Variants in COL23A1 observed in about 807,000 individuals in gnomAD.
COL23A1 encodes collagen type XXIII alpha 1 chain, also known as collagen alpha-1(XXIII) chain.
COL23A1 carries 97 observed loss-of-function variants against 99.3 expected under a neutral mutation model. That is an observed-to-expected ratio of 0.98 (90% CI 0.83 to 1.16). The LOEUF is 1.16. Ranked by LOEUF, COL23A1 falls within the 50% of genes most tolerant of loss-of-function variation. The pLI is 0.00. For missense variants in COL23A1, 762 were observed against 757.4 expected, an observed-to-expected ratio of 1.01 and a Z score of -0.07; for synonymous variants, 320 against 308.2, an observed-to-expected ratio of 1.04 and a Z score of -0.40.
chr5:178,578,570 A>G (rs780041992), intron 1 of COL23A1, among the ~76,000 whole-genome samples: 1 of 152,186 alleles, frequency 6.6e-6, no homozygotes, highest in Non-Finnish European at 1.5e-5. Context: ...AATACATTCT[A>G]ATTGCTTTAT....
intron 2 of COL23A1, among the ~76,000 whole-genome samples, chr5:178,370,976 G>A (rs937121873): frequency 6.6e-6 from 1 of 152,106 alleles, no homozygotes; most frequent in African/African-American, 2.4e-5. Context: ...CATGATGACT[G>A]TGGTTAATAA....
chr5:178,268,037 C>G (rs1350792837), intron 7 of COL23A1, among the ~76,000 whole-genome samples: 1 of 152,242 alleles, frequency 6.6e-6, no homozygotes, highest in East Asian at 1.9e-4. Flanking sequence ...CCACGGCTCC[C>G]GCAGCCCTGG....
intron 2 of COL23A1, among the ~76,000 whole-genome samples, chr5:178,514,846 C>G (rs1333105724): frequency 6.6e-6 from 1 of 152,208 alleles, no homozygotes; most frequent in African/African-American, 2.4e-5. Context: ...TCCACAAATA[C>G]AAAGCACTGG....
chr5:178,267,211 G>T, intron 8 of COL23A1, 96 bp downstream of exon 8: 1 of 1,335,542 alleles, frequency 7.5e-7, no homozygotes, highest in Non-Finnish European at 1.1e-6. Flanking sequence ...GTGATGAGCT[G>T]CGGGGAGCTG....
At chr5:178,450,980 T>C (rs1402117930) in intron 2 of COL23A1, among the ~76,000 whole-genome samples, 1 of 152,240 alleles carries the variant, frequency 6.6e-6, no homozygotes, top group Non-Finnish European at 1.5e-5. Context: ...AACGTACTAC[T>C]TAAGTCAAGG....
intron 2 of COL23A1, among the ~76,000 whole-genome samples, chr5:178,505,009 C>T (rs1216392048): frequency 6.6e-6 from 1 of 152,178 alleles, no homozygotes; most frequent in Non-Finnish European, 1.5e-5. Flanking sequence ...TAACGAAGTT[C>T]CACAGACCGG....
At chr5:178,570,084 G>A (rs1763013106) in intron 1 of COL23A1, among the ~76,000 whole-genome samples, 1 of 151,480 alleles carries the variant, frequency 6.6e-6, no homozygotes, top group African/African-American at 2.4e-5. Flanking sequence ...GCCTGTCAGA[G>A]TATCACAGTT....
chr5:178,518,642 C>T (rs1759743671), intron 2 of COL23A1, among the ~76,000 whole-genome samples: 1 of 117,994 alleles, frequency 8.5e-6, no homozygotes, highest in Admixed American at 7.6e-5. Flanking sequence ...CAGAGACGCT[C>T]CTCACTTCCT....
chr5:178,308,293 G>A lies in COL23A1; in HGVS notation c.362-1374C>T, dbSNP rs1339192208. On this transcript the variant is annotated intron_variant, in intron 2 of 28. Transcript: ENST00000390654. This position sits in a 1 kb window ranked among gnomAD's most constrained non-coding sequence, Gnocchi z 5.1. ...AGATTTGCAGGCCCAGGGGTGAGGCGAGAATGAATTTCTTGCCAGCCTCAG... is the reference window on the plus strand; with the variant it reads ...AGATTTGCAGGCCCAGGGGTGAGGCAAGAATGAATTTCTTGCCAGCCTCAG... 6.6e-6 allele frequency among the ~76,000 whole-genome samples: 1 copy of A among 152,172 alleles called. No homozygotes were observed. Among genetic ancestry groups the A allele is most frequent in the Non-Finnish European group, 1.5e-5 (1 of 68,028 alleles).
At chr5:178,389,563 C>G (rs6896828) in intron 2 of COL23A1, among the ~76,000 whole-genome samples, 1 of 152,156 alleles carries the variant, frequency 6.6e-6, no homozygotes, top group African/African-American at 2.4e-5. Context: ...GACACTAATT[C>G]AATGAGTTAT....
intron 18 of COL23A1, among the ~76,000 whole-genome samples, chr5:178,249,774 G>A (rs1764932222): frequency 1.5e-5 from 2 of 133,388 alleles, no homozygotes; most frequent in African/African-American, 2.9e-5. Flanking sequence ...TACCTACAAT[G>A]CTCTTAGCCT....
At chr5:178,464,493 C>T (rs772218021) in intron 2 of COL23A1, among the ~76,000 whole-genome samples, 9 of 152,108 alleles carry the variant, frequency 5.9e-5, no homozygotes, top group Admixed American at 2.0e-4. Flanking sequence ...GTGCACGTAC[C>T]CCACTTAGAC....
intron 2 of COL23A1, among the ~76,000 whole-genome samples, chr5:178,375,968 A>T: frequency 6.6e-6 from 1 of 152,066 alleles, no homozygotes; most frequent in East Asian, 1.9e-4. Context: ...CGGCCTCCAA[A>T]AGTGTTGGGA....
At chr5:178,353,734 G>A (rs1322668847) in intron 2 of COL23A1, among the ~76,000 whole-genome samples, 3 of 152,148 alleles carry the variant, frequency 2.0e-5, no homozygotes, top group African/African-American at 7.2e-5. Context: ...CTCCGTGGAT[G>A]GGAATCAGCG....
In COL23A1 at chr5:178,307,453, G is replaced by A. The variant is rs1758422185; in HGVS notation, c.362-534C>T. ...GCCTGCAGTCTCCGCCACTCGCTGGGGCCTCCAGCTCCTCCTTCCCCAGAG... is the reference window on the plus strand; with the variant it reads ...GCCTGCAGTCTCCGCCACTCGCTGGAGCCTCCAGCTCCTCCTTCCCCAGAG... On this transcript the variant is annotated intron_variant, in intron 2 of 28. Coordinates refer to ENST00000390654, the MANE Select transcript of COL23A1 (RefSeq NM_173465.4). The surrounding 1 kb of genome is among the most constrained non-coding windows in gnomAD (Gnocchi z 4.2). Among the ~76,000 whole-genome samples, 2 of 152,226 alleles carry A rather than the reference G, an allele frequency of 1.3e-5. No homozygotes were observed. Among genetic ancestry groups the A allele is most frequent in the Non-Finnish European group, 2.9e-5 (2 of 68,040 alleles).
intron 2 of COL23A1, among the ~76,000 whole-genome samples, chr5:178,324,869 G>C (rs1035723647): frequency 2.0e-5 from 3 of 152,212 alleles, no homozygotes; most frequent in Admixed American, 6.5e-5. Flanking sequence ...GGGGGTTGCA[G>C]GTGGCCCCAT....
intron 4 of COL23A1, 103 bp from the exon 5 acceptor site, chr5:178,288,453 G>T: frequency 1.0e-6 from 1 of 978,354 alleles, no homozygotes; most frequent in Non-Finnish European, 1.7e-6. Flanking sequence ...CCCCCCGACA[G>T]CTGGTTGGTG....
chr5:178,291,515 A>G (rs1317254630), intron 3 of COL23A1, among the ~76,000 whole-genome samples: 1 of 152,192 alleles, frequency 6.6e-6, no homozygotes, highest in Non-Finnish European at 1.5e-5. Flanking sequence ...TGCCAAGATC[A>G]CGGGCTTTTG....
intron 2 of COL23A1, among the ~76,000 whole-genome samples, chr5:178,432,902 C>T (rs1766342377): frequency 6.6e-6 from 1 of 152,132 alleles, no homozygotes; most frequent in Non-Finnish European, 1.5e-5. Context: ...TAGGACTCCC[C>T]AGAGCTCCCT....
Sources: allele counts gnomAD v4.1 joint callset (sites outside exome capture counted in the v4.1 genomes callset), GRCh38; gene constraint gnomAD v4.1.1; non-coding constraint Gnocchi (gnomAD v3.1); transcripts MANE v1.5; gene names NCBI Gene and HGNC (gene_info 2026-07-23, HGNC 2026-07-21).